PPP1R14C: variants seen among roughly 807,000 people sequenced by gnomAD.
PPP1R14C encodes protein phosphatase 1 regulatory inhibitor subunit 14C.
A neutral mutation model predicts 20.4 loss-of-function variants in PPP1R14C; 16 were observed. The observed-to-expected ratio is 0.78, with a 90% confidence interval of 0.53 to 1.19. The LOEUF is 1.19. PPP1R14C is among the 50% of genes most tolerant of loss of function. The pLI is 0.00. For synonymous variants in PPP1R14C, 91 were observed against 91.0 expected (o/e 1.00, Z 0.00); for missense variants, 211 against 220.1 (o/e 0.96, Z 0.26).
At chr6:150,231,337 G>A (rs1042934585) in intron 3 of PPP1R14C, among the ~76,000 whole-genome samples, 1 of 152,174 alleles carries the variant, frequency 6.6e-6, no homozygotes, top group African/African-American at 2.4e-5. Flanking sequence ...GTATGTGTGA[G>A]TATAAAGGAA....
chr6:150,213,970 C>T lies in PPP1R14C; in HGVS notation c.307-774C>T, dbSNP rs145174396. Among the ~76,000 whole-genome samples, 21 of 152,324 alleles carry T rather than the reference C, an allele frequency of 1.4e-4. No individual in the cohort carries two copies. In the East Asian group the frequency reaches 2.9e-3, roughly 21 times the overall value. ...TGTTTTCTTATTCTCTTCAGCTCTG[C>T]CTAACGTGGAGTCAGCCTCATCCAA... On this transcript the variant is annotated intron_variant, in intron 1 of 3. Transcript: ENST00000361131.
At chr6:150,192,089 A>C (rs1777752327) in intron 1 of PPP1R14C, among the ~76,000 whole-genome samples, 1 of 152,090 alleles carries the variant, frequency 6.6e-6, no homozygotes, top group Non-Finnish European at 1.5e-5. Flanking sequence ...CACAGCATGA[A>C]ATTCCATGCA....
In PPP1R14C at chr6:150,189,739, G is replaced by A. The variant is rs926957557; in HGVS notation, c.307-25005G>A. Among the ~76,000 whole-genome samples, 4 of 152,082 alleles carry A rather than the reference G, an allele frequency of 2.6e-5. No individual in the cohort carries two copies. The East Asian group carries it at 5.8e-4, about 22-fold the overall frequency. Reference sequence around the variant, plus strand: ...AGGATTGCTCCCATTTGAAACCTTCGAAACCTTTCTTCAGACTGATACAGA... The same window carrying A: ...AGGATTGCTCCCATTTGAAACCTTCAAAACCTTTCTTCAGACTGATACAGA... On this transcript the variant is annotated intron_variant, in intron 1 of 3. Coordinates refer to ENST00000361131, the MANE Select transcript of PPP1R14C (RefSeq NM_030949.3).
chr6:150,181,945 G>C lies in PPP1R14C; in HGVS notation c.307-32799G>C, dbSNP rs900486330. On this transcript the variant is annotated intron_variant, in intron 1 of 3. Transcript: ENST00000361131. ...ATGTTTATCCCCTTCTTCTTCGTCCGTAGCAGCTGCTAGTTGAAGTGGGAA... is the reference window on the plus strand; with the variant it reads ...ATGTTTATCCCCTTCTTCTTCGTCCCTAGCAGCTGCTAGTTGAAGTGGGAA... Among the ~76,000 whole-genome samples the C allele has an allele frequency of 2.6e-5, 4 of 152,128 alleles. No individual in the cohort carries two copies. In the South Asian group the frequency reaches 8.3e-4, roughly 32 times the overall value.
chr6:150,157,106 A>G (rs1777314009), intron 1 of PPP1R14C, among the ~76,000 whole-genome samples: 1 of 121,210 alleles, frequency 8.3e-6, no homozygotes, highest in East Asian at 2.0e-4. Context: ...ACTCTGAAGA[A>G]GAACAAAATG....
chr6:150,229,632 G>T (rs569446860), intron 3 of PPP1R14C, among the ~76,000 whole-genome samples: 13 of 152,336 alleles, frequency 8.5e-5, no homozygotes, highest in African/African-American at 2.6e-4. Context: ...TTTAAAGGCA[G>T]ATAGTCTAGA....
At chr6:150,168,371 C>T (rs556550389) in intron 1 of PPP1R14C, among the ~76,000 whole-genome samples, 3 of 151,974 alleles carry the variant, frequency 2.0e-5, no homozygotes, top group African/African-American at 7.2e-5. Context: ...CCCGTCTCTA[C>T]TAAAAATACA....
chr6:150,232,114 T>G (rs1160366807), intron 3 of PPP1R14C, among the ~76,000 whole-genome samples: 1 of 152,192 alleles, frequency 6.6e-6, no homozygotes, highest in Non-Finnish European at 1.5e-5. Context: ...GTGTTAAAAA[T>G]TTTGCCAACT....
chr6:150,243,378 A>G (rs982407227), intron 3 of PPP1R14C, among the ~76,000 whole-genome samples: 2 of 151,994 alleles, frequency 1.3e-5, no homozygotes, highest in Non-Finnish European at 2.9e-5. Context: ...GGGTTTCACC[A>G]TGTTGTCCAG....
At chr6:150,180,514 T>C (rs938803260) in intron 1 of PPP1R14C, among the ~76,000 whole-genome samples, 7 of 152,364 alleles carry the variant, frequency 4.6e-5, no homozygotes, top group African/African-American at 1.7e-4. Flanking sequence ...TAAGATTTAA[T>C]GCTTCCATGT....
intron 1 of PPP1R14C, among the ~76,000 whole-genome samples, chr6:150,180,270 GTAGA>G (rs939185641): frequency 1.3e-5 from 2 of 152,194 alleles, no homozygotes; most frequent in Non-Finnish European, 2.9e-5. Context: ...ATAGTGTCTG[GTAGA>G]TAGGGTGCAC....
chr6:150,177,588 C>T (rs80269957), intron 1 of PPP1R14C, among the ~76,000 whole-genome samples: 3 of 152,190 alleles, frequency 2.0e-5, no homozygotes, highest in Non-Finnish European at 4.4e-5. Flanking sequence ...CTCTCTGTCT[C>T]TCTCTCCCCG....
intron 3 of PPP1R14C, among the ~76,000 whole-genome samples, chr6:150,227,099 A>C (rs928918712): frequency 6.6e-6 from 1 of 152,228 alleles, no homozygotes; most frequent in Non-Finnish European, 1.5e-5. Flanking sequence ...GATCTTTTAA[A>C]ATCATTGTTC....
intron 1 of PPP1R14C, among the ~76,000 whole-genome samples, chr6:150,207,381 C>G (rs1376765582): frequency 1.3e-5 from 2 of 152,244 alleles, no homozygotes; most frequent in African/African-American, 4.8e-5. Flanking sequence ...GCCTGGCCAC[C>G]TGTGCAGATG....
intron 3 of PPP1R14C, among the ~76,000 whole-genome samples, chr6:150,237,178 T>A (rs1778371806): frequency 6.6e-6 from 1 of 152,152 alleles, no homozygotes; most frequent in African/African-American, 2.4e-5. Context: ...AGCTACATTT[T>A]TCTTAGTGTG....
chr6:150,247,384 A>G (rs1438043482), intron 3 of PPP1R14C, among the ~76,000 whole-genome samples: 2 of 152,208 alleles, frequency 1.3e-5, no homozygotes, highest in Admixed American at 1.3e-4. Context: ...CCTAATAAAT[A>G]TGACTTATCT....
Position 150,201,137 on chromosome 6 carries a change from T to A in PPP1R14C, c.307-13607T>A, listed in dbSNP as rs1777873003. On this transcript the variant is annotated intron_variant, in intron 1 of 3. Transcript: ENST00000361131. This position sits in a 1 kb window ranked among gnomAD's most constrained non-coding sequence, Gnocchi z 4.2. ...GATACTCAGACATTCCATCTGTAAA[T>A]AGAGATGATGATAATACTCACCTCA... Among the ~76,000 whole-genome samples, 1 of 152,168 alleles carries A rather than the reference T, an allele frequency of 6.6e-6. No homozygotes were observed.
intron 1 of PPP1R14C, among the ~76,000 whole-genome samples, chr6:150,194,212 C>T (rs1014484509): frequency 1.3e-5 from 2 of 152,170 alleles, no homozygotes; most frequent in Non-Finnish European, 1.5e-5. Flanking sequence ...ATGTCTTTAC[C>T]AGCAGCGTGA....
At chr6:150,218,359 CGCCACTGCACTCCA>C (rs1778123176) in intron 3 of PPP1R14C, among the ~76,000 whole-genome samples, 1 of 151,580 alleles carries the variant, frequency 6.6e-6, no homozygotes, top group Non-Finnish European at 1.5e-5. Flanking sequence ...GCCGAGATTG[CGCCACTGCACTCCA>C]GCCTGGGCGA....
Sources: allele counts gnomAD v4.1 joint callset (sites outside exome capture counted in the v4.1 genomes callset), GRCh38; gene constraint gnomAD v4.1.1; non-coding constraint Gnocchi (gnomAD v3.1); transcripts MANE v1.5; gene names NCBI Gene and HGNC (gene_info 2026-07-23, HGNC 2026-07-21).